Variants in DNER observed in about 807,000 individuals in gnomAD.
The protein encoded by DNER is delta and Notch-like epidermal growth factor-related receptor.
DNER carries 33 observed loss-of-function variants against 78.2 expected under a neutral mutation model. That is an observed-to-expected ratio of 0.42 (90% CI 0.32 to 0.56). DNER has a LOEUF of 0.56. DNER is among the 20% of genes least tolerant of loss of function. The pLI, the probability that DNER is intolerant of heterozygous loss-of-function variation, is 0.11. For synonymous variants in DNER, 417 were observed against 384.8 expected (o/e 1.08, Z -0.98); for missense variants, 918 against 975.3 (o/e 0.94, Z 0.78).
intron 1 of DNER, among the ~76,000 whole-genome samples, chr2:229,619,532 G>A (rs756241968): frequency 3.2e-4 from 49 of 152,120 alleles, no homozygotes; most frequent in Non-Finnish European, 5.1e-4. Flanking sequence ...GGGGTGAGAC[G>A]GCAATGTCCT....
At chr2:229,551,949 T>TAAATAAATA in intron 4 of DNER, among the ~76,000 whole-genome samples, 1 of 151,036 alleles carries the variant, frequency 6.6e-6, no homozygotes, top group African/African-American at 2.5e-5. Context: ...AATAAATAAA[T>TAAATAAATA]AAATAAATAA....
At position 229,625,874 on chromosome 2, in the gene DNER, C is replaced by T. The variant is rs186032753; in HGVS notation, c.277-33986G>A. Among the ~76,000 whole-genome samples the T allele has an allele frequency of 4.0e-5, 6 of 150,848 alleles. No homozygotes were observed. The East Asian group carries it at 9.7e-4, about 24-fold the overall frequency. On this transcript the variant is annotated intron_variant, in intron 1 of 12. Transcript: ENST00000341772. ...ATGGAAAGGCCAGAAGGACTGTCTA[C>T]TATGCAACTTTGTTTTTGTTGTTTT...
intron 8 of DNER, among the ~76,000 whole-genome samples, chr2:229,419,330 A>G (rs1460397368): frequency 6.6e-6 from 1 of 152,208 alleles, no homozygotes; most frequent in African/African-American, 2.4e-5. Flanking sequence ...AAACCAGGCC[A>G]TTTTTGTCCA....
intron 5 of DNER, among the ~76,000 whole-genome samples, chr2:229,522,612 G>A (rs1468559063): frequency 6.6e-6 from 1 of 151,910 alleles, no homozygotes; most frequent in Non-Finnish European, 1.5e-5. Context: ...TATGCCACAA[G>A]AAAATGGAAA....
intron 11 of DNER, among the ~76,000 whole-genome samples, chr2:229,375,061 A>G (rs183769238): frequency 0.014 from 2,068 of 152,324 alleles, 20 homozygotes; most frequent in Non-Finnish European, 0.02. Context: ...GAATCACATC[A>G]ATAACAACTA....
intron 1 of DNER, among the ~76,000 whole-genome samples, chr2:229,668,711 C>G (rs1025672710): frequency 1.3e-5 from 2 of 151,008 alleles, no homozygotes; most frequent in Non-Finnish European, 2.9e-5. Flanking sequence ...ATTAAAAAGT[C>G]AGGAAACAAC....
chr2:229,463,465 G>C (rs993816744), intron 7 of DNER, among the ~76,000 whole-genome samples: 1 of 152,062 alleles, frequency 6.6e-6, no homozygotes, highest in Non-Finnish European at 1.5e-5. Context: ...TTTTGTGATG[G>C]GGTCTCGCTT....
intron 6 of DNER, among the ~76,000 whole-genome samples, chr2:229,490,531 T>C (rs1010823528): frequency 7.2e-5 from 11 of 151,934 alleles, no homozygotes; most frequent in Non-Finnish European, 1.6e-4. Context: ...AATAAATAAA[T>C]CTATGGAGAC....
intron 8 of DNER, among the ~76,000 whole-genome samples, chr2:229,435,631 C>T (rs185497987): frequency 4.6e-5 from 7 of 152,160 alleles, no homozygotes; most frequent in Non-Finnish European, 1.0e-4. Context: ...CCAGGTACTA[C>T]ATATTCCTTA....
At chr2:229,675,955 G>A (rs1476716599) in intron 1 of DNER, among the ~76,000 whole-genome samples, 1 of 152,130 alleles carries the variant, frequency 6.6e-6, no homozygotes, top group Non-Finnish European at 1.5e-5. Context: ...CATCTCAGGA[G>A]GGTTTCCAGG....
chr2:229,525,980 A>G (rs781412666), intron 5 of DNER, among the ~76,000 whole-genome samples: 4 of 152,192 alleles, frequency 2.6e-5, no homozygotes, highest in Non-Finnish European at 5.9e-5. Flanking sequence ...ATTAAATCTT[A>G]TTAAATGCTT....
chr2:229,713,533 C>T (rs1351179867), intron 1 of DNER, among the ~76,000 whole-genome samples: 5 of 152,224 alleles, frequency 3.3e-5, no homozygotes, highest in African/African-American at 7.2e-5. Flanking sequence ...TCCGACTGTT[C>T]CAACACTGCT....
In DNER at chr2:229,714,342, GC is replaced by G; in HGVS notation, c.81del (p.Arg29GlufsTer145). On this transcript the variant is annotated frameshift_variant, in exon 1 of 13. Transcript: ENST00000341772. LOFTEE classifies it high-confidence loss of function. ...LALLLLLLGA[G>X]PRGSSLANPV... Reference sequence around the variant, plus strand: ...GGGTTGGCCAGGGAGCTGCCTCGGGGCCCCGCTCCGAGCAGCAGCAGCAGCA... The same window carrying G: ...GGGTTGGCCAGGGAGCTGCCTCGGGGCCCGCTCCGAGCAGCAGCAGCAGCA... 8.0e-7 allele frequency: 1 copy of G among 1,250,758 alleles called. No individual in the cohort carries two copies. Among genetic ancestry groups the G allele is most frequent in the Non-Finnish European group, 1.0e-6 (1 of 1,002,886 alleles). The allele number at this position is 1,250,758 out of a possible 1,614,324, so 77.5% of individuals were successfully genotyped here.
At position 229,586,041 on chromosome 2, in the gene DNER, T is replaced by A; in HGVS notation, c.681-17A>T. 1 of 1,590,936 alleles carries A rather than the reference T, an allele frequency of 6.3e-7. No homozygotes were observed. Among genetic ancestry groups the A allele is most frequent in the Non-Finnish European group, 8.5e-7 (1 of 1,169,898 alleles). On this transcript the variant is annotated splice_polypyrimidine_tract_variant and intron_variant, in intron 3 of 12. Coordinates refer to ENST00000341772, the MANE Select transcript of DNER (RefSeq NM_139072.4). ...TGCCGAATCCTGGAAACAGGAATGA[T>A]GTAAACAGAAAGCTCCTTTCAGAAA... is the stretch of plus-strand genomic sequence containing the variant.
intron 8 of DNER, among the ~76,000 whole-genome samples, chr2:229,429,054 C>A (rs1189917280): frequency 6.6e-6 from 1 of 152,142 alleles, no homozygotes; most frequent in Non-Finnish European, 1.5e-5. Context: ...TGGGCCCCTG[C>A]AGAGTGATGT....
intron 11 of DNER, among the ~76,000 whole-genome samples, chr2:229,385,625 C>T (rs910457166): frequency 7.9e-5 from 12 of 152,184 alleles, no homozygotes; most frequent in Non-Finnish European, 7.3e-5. Flanking sequence ...TCAGCAAAGT[C>T]TCAGGATACA....
At chr2:229,471,399 G>A (rs924793546) in intron 7 of DNER, among the ~76,000 whole-genome samples, 1 of 152,086 alleles carries the variant, frequency 6.6e-6, no homozygotes, top group Non-Finnish European at 1.5e-5. Context: ...TTGTTGCAGT[G>A]GAATTTAACC....
At chr2:229,426,223 C>T (rs1345030095) in intron 8 of DNER, among the ~76,000 whole-genome samples, 1 of 151,970 alleles carries the variant, frequency 6.6e-6, no homozygotes, top group Admixed American at 6.5e-5. Context: ...GGATGGATCA[C>T]AAGGTCAGGA....
At chr2:229,580,779 C>G (rs1273308705) in intron 4 of DNER, among the ~76,000 whole-genome samples, 2 of 152,100 alleles carry the variant, frequency 1.3e-5, no homozygotes, top group Non-Finnish European at 2.9e-5. Flanking sequence ...GTTCTCTGAT[C>G]CAAAGGAGAA....
Sources: allele counts gnomAD v4.1 joint callset (sites outside exome capture counted in the v4.1 genomes callset), GRCh38; gene constraint gnomAD v4.1.1; transcripts MANE v1.5; gene names NCBI Gene and HGNC (gene_info 2026-07-23, HGNC 2026-07-21).